The following SEL1L2 variants were observed in gnomAD, a reference collection of about 807,000 sequenced individuals.
The protein encoded by SEL1L2 is SEL1L2 adaptor subunit of SYVN1 ubiquitin ligase, also known as protein sel-1 homolog 2.
A neutral mutation model predicts 98.8 loss-of-function variants in SEL1L2; 89 were observed. The ratio of observed to expected loss-of-function variants is 0.90; its 90% CI spans 0.76 to 1.07. The LOEUF (loss-of-function observed/expected upper bound fraction) is 1.07. Among genes scored for constraint, SEL1L2 ranks in the 50% least tolerant of loss-of-function variants. The pLI is 0.00. For missense variants in SEL1L2, 788 were observed against 812.0 expected (o/e 0.97, Z 0.36); for synonymous variants, 262 against 278.5 (o/e 0.94, Z 0.59).
chr20:13,853,387 T>G lies in SEL1L2; in HGVS notation c.1819-3068A>C, dbSNP rs531418344. 4.6e-5 allele frequency among the ~76,000 whole-genome samples: 7 copies of G among 152,118 alleles called. No homozygotes were observed. In the South Asian group the frequency reaches 1.5e-3, roughly 32 times the overall value. On this transcript the variant is annotated intron_variant, in intron 18 of 19. Transcript: ENST00000284951. ...CATGCCAGGCTGATTTTTGTATTTT[T>G]TTTTTTTGTAGAGACGGGGTTTCAC...
chr20:13,993,243 C>G (rs1181731985), upstream of SEL1L2, among the ~76,000 whole-genome samples: 1 of 152,104 alleles, frequency 6.6e-6, no homozygotes, highest in Non-Finnish European at 1.5e-5. Context: ...ACAGACCGCT[C>G]AATAAAATTG....
chr20:13,993,466 T>C (rs533786160), upstream of SEL1L2, among the ~76,000 whole-genome samples: 128 of 152,232 alleles, frequency 8.4e-4, 1 homozygote, highest in Non-Finnish European at 1.7e-3. Context: ...ATGATAATGG[T>C]ATTTTGTCAG....
intron 18 of SEL1L2, among the ~76,000 whole-genome samples, chr20:13,852,018 A>G (rs1478465713): frequency 1.3e-5 from 2 of 152,224 alleles, no homozygotes; most frequent in African/African-American, 2.4e-5. Flanking sequence ...TCCTGGCAAC[A>G]TTAAATAGAT....
In SEL1L2 at chr20:13,866,829, T is replaced by A. The variant is rs377310593; in HGVS notation, c.1277A>T (p.Asp426Val). The change falls in exon 15 of 20, where the codon GAT becomes GTT. Residue 426 changes from aspartate to valine, a missense_variant. Coordinates refer to ENST00000284951, the MANE Select transcript of SEL1L2 (RefSeq NM_025229.2). ...AAAATATTTGAAGGCAAGTTTATAA[T>A]CCTTCCATATTCCAGAGCCAGCTGA... is the stretch of plus-strand genomic sequence containing the variant. ...MYYSGSGIWK[D>V]YKLAFKYFYL... is the part of the protein sequence containing the mutation. 4.3e-5 allele frequency: 69 copies of A among 1,610,462 alleles called. No homozygotes were observed. Among genetic ancestry groups the A allele is most frequent in the Non-Finnish European group, 1.2e-5 (14 of 1,178,924 alleles).
chr20:13,877,177 A>C (rs1241508456), intron 11 of SEL1L2, among the ~76,000 whole-genome samples: 1 of 152,144 alleles, frequency 6.6e-6, no homozygotes, highest in Non-Finnish European at 1.5e-5. Flanking sequence ...CTGCTGTTAT[A>C]TGGGGCTTCT....
intron 5 of SEL1L2, among the ~76,000 whole-genome samples, chr20:13,895,400 G>A (rs559975426): frequency 1.4e-5 from 2 of 140,968 alleles, no homozygotes; most frequent in East Asian, 2.1e-4. Flanking sequence ...CCAAGATCAC[G>A]CCACTGCACT....
At chr20:13,987,317 T>G (rs1305423253) in intron 1 of SEL1L2, among the ~76,000 whole-genome samples, 21 of 90,446 alleles carry the variant, frequency 2.3e-4, no homozygotes, top group African/African-American at 6.9e-4. Flanking sequence ...TACTGTTTTT[T>G]TTTTTTTTTT....
At chr20:13,939,659 C>T (rs2049650510) in intron 2 of SEL1L2, among the ~76,000 whole-genome samples, 1 of 32,120 alleles carries the variant, frequency 3.1e-5, no homozygotes, top group Non-Finnish European at 5.9e-5. Flanking sequence ...ATGAAACACC[C>T]TTATTCTTTT....
chr20:13,913,143 T>C (rs1259062430), intron 5 of SEL1L2, among the ~76,000 whole-genome samples: 1 of 152,232 alleles, frequency 6.6e-6, no homozygotes, highest in Non-Finnish European at 1.5e-5. Context: ...TTCTTTTTCA[T>C]ACTTTCTGAT....
At chr20:13,871,367 T>C (rs1331382581) in intron 12 of SEL1L2, among the ~76,000 whole-genome samples, 1 of 152,204 alleles carries the variant, frequency 6.6e-6, no homozygotes, top group African/African-American at 2.4e-5. Context: ...TGTTCAAATA[T>C]ATTGATATTT....
chr20:13,972,733 T>A (rs1210943468), intron 1 of SEL1L2, among the ~76,000 whole-genome samples: 3 of 152,256 alleles, frequency 2.0e-5, no homozygotes, highest in African/African-American at 7.2e-5. Context: ...TGTCTTCTTA[T>A]ACTCAGTGTG....
intron 14 of SEL1L2, among the ~76,000 whole-genome samples, chr20:13,867,748 A>G (rs906041332): frequency 6.6e-6 from 1 of 152,194 alleles, no homozygotes. Flanking sequence ...GACTTAATAT[A>G]CATTAGCCAT....
At chr20:13,899,211 G>C (rs1285686740) in intron 5 of SEL1L2, among the ~76,000 whole-genome samples, 2 of 151,820 alleles carry the variant, frequency 1.3e-5, no homozygotes, top group African/African-American at 4.8e-5. Flanking sequence ...ACTTTATTGG[G>C]TAAAACTTCC....
Position 13,849,510 on chromosome 20 carries a change from A to T in SEL1L2, c.2042T>A (p.Leu681Ter). ...CTACCCATGGTGATTTCTAAGCAAC[A>T]AAATCAGCCCAGGAACAATGAGGCC... is the stretch of plus-strand genomic sequence containing the variant. ...VIGLIVPGLI[L>*]LLRNHHG The change falls in exon 20 of 20, where the codon TTG (leucine) becomes TAG (stop). Residue 681 changes from leucine (L) to a stop codon, truncating the protein, a stop_gained. Coordinates refer to ENST00000284951, the MANE Select transcript of SEL1L2 (RefSeq NM_025229.2). LOFTEE classifies it high-confidence loss of function. 6.2e-7 allele frequency: 1 copy of T among 1,614,072 alleles called. No homozygotes were observed. Among genetic ancestry groups the T allele is most frequent in the Non-Finnish European group, 8.5e-7 (1 of 1,179,928 alleles).
rs759841678 is a variant in SEL1L2, at chr20:13,859,392, T to G, written c.1688A>C (p.Tyr563Ser). ...ATAGTCTTTCTTAGTCCCATAGCCA[T>G]AGTAATGGTAATCTCCAATTTTTAC... Reference protein sequence around the residue: ...ARVKIGDYHYYGYGTKKDYQT... With the variant: ...ARVKIGDYHYSGYGTKKDYQT... The change falls in exon 18 of 20, where the codon TAT becomes TCT. Residue 563 changes from tyrosine to serine, a missense_variant. Tyr to Ser is a moderately radical substitution (Grantham distance 144). Transcript: ENST00000284951. 9.1e-5 allele frequency: 147 copies of G among 1,613,922 alleles called. No homozygotes were observed. Among genetic ancestry groups the G allele is most frequent in the Non-Finnish European group, 1.1e-4 (134 of 1,179,944 alleles).
intron 5 of SEL1L2, among the ~76,000 whole-genome samples, chr20:13,912,808 G>A (rs1419607132): frequency 6.6e-6 from 1 of 152,142 alleles, no homozygotes; most frequent in Admixed American, 6.6e-5. Flanking sequence ...ACCCCCATCT[G>A]GTATTTATAG....
chr20:13,865,301 A>G (rs1163062125), intron 16 of SEL1L2, 48 bp downstream of exon 16: 3 of 1,608,702 alleles, frequency 1.9e-6, no homozygotes, highest in African/African-American at 1.3e-5. Flanking sequence ...AAAGTCATAC[A>G]TGCATATGTA....
intron 2 of SEL1L2, among the ~76,000 whole-genome samples, chr20:13,949,400 C>T (rs2050158604): frequency 6.6e-6 from 1 of 152,194 alleles, no homozygotes; most frequent in African/African-American, 2.4e-5. Context: ...CGCGGTGGCT[C>T]ACGCCTGTAA....
intron 2 of SEL1L2, among the ~76,000 whole-genome samples, chr20:13,950,220 G>A (rs1355640666): frequency 6.6e-6 from 1 of 152,004 alleles, no homozygotes; most frequent in African/African-American, 2.4e-5. Context: ...ATAGAGTTTC[G>A]GTTTTACAAG....
Sources: gnomAD v4.1 joint callset for allele counts (sites outside exome capture counted in the v4.1 genomes callset) on GRCh38, gnomAD v4.1.1 for gene constraint, MANE v1.5 for transcripts, NCBI Gene and HGNC (gene_info 2026-07-23, HGNC 2026-07-21) for gene names.